SYN3: variants seen among roughly 807,000 people sequenced by gnomAD.
The protein encoded by SYN3 is synapsin III, also known as synapsin-3.
Under a neutral mutation model 65.8 loss-of-function variants are expected in SYN3, and 35 were observed. The observed-to-expected ratio is 0.53, with a 90% CI of 0.41 to 0.70. The LOEUF (loss-of-function observed/expected upper bound fraction) is 0.70, where lower values mean the gene tolerates loss of function less well. Among genes scored for constraint, SYN3 ranks in the 30% least tolerant of loss-of-function variants. The probability of loss-of-function intolerance (pLI) is 0.00; values close to 1 mark genes in which losing one functional copy is unlikely to be tolerated. For missense variants in SYN3, 680 were observed against 749.0 expected, an observed-to-expected ratio of 0.91 and a Z score of 1.08; for synonymous variants, 270 against 292.9, an observed-to-expected ratio of 0.92 and a Z score of 0.80.
chr22:32,614,822 C>T (rs563484870), intron 6 of SYN3, among the ~76,000 whole-genome samples: 1 of 152,268 alleles, frequency 6.6e-6, no homozygotes, highest in East Asian at 1.9e-4. Context: ...GAGCGGGGCC[C>T]CCTCCTCGGA....
At chr22:32,996,346 A>C (rs1288525997) in intron 2 of SYN3, among the ~76,000 whole-genome samples, 1 of 152,066 alleles carries the variant, frequency 6.6e-6, no homozygotes, top group Admixed American at 6.5e-5. Context: ...AAGCACCCAC[A>C]CTGAAAAACA....
chr22:33,037,878 A>C (rs1319040974), intron 1 of SYN3, among the ~76,000 whole-genome samples: 1 of 152,232 alleles, frequency 6.6e-6, no homozygotes, highest in Admixed American at 6.5e-5. Context: ...TTAACAAATA[A>C]GTAGATGAAA....
chr22:32,872,936 C>CTTT (rs35506480), intron 4 of SYN3, among the ~76,000 whole-genome samples: 17,961 of 114,838 alleles, frequency 0.16, 1,583 homozygotes, highest in Non-Finnish European at 0.21. Flanking sequence ...GCCCTAAGCA[C>CTTT]TTTTTTTTTT....
chr22:32,593,333 A>T (rs533450537), intron 7 of SYN3, among the ~76,000 whole-genome samples: 1 of 97,544 alleles, frequency 1.0e-5, no homozygotes, highest in East Asian at 2.3e-4. Flanking sequence ...TCATCTCTTT[A>T]TTTCCTTTTT....
chr22:32,783,603 C>A (rs1569221712), intron 6 of SYN3, among the ~76,000 whole-genome samples: 2 of 152,278 alleles, frequency 1.3e-5, no homozygotes, highest in Non-Finnish European at 2.9e-5. Context: ...CTTTACCATG[C>A]TGGAATCCCC....
intron 6 of SYN3, among the ~76,000 whole-genome samples, chr22:32,617,580 G>T (rs1370881962): frequency 6.6e-6 from 1 of 152,010 alleles, no homozygotes; most frequent in African/African-American, 2.4e-5. Flanking sequence ...GGGAAGCGGG[G>T]TGGGACCCAG....
chr22:33,014,705 G>T (rs896056823), intron 1 of SYN3, among the ~76,000 whole-genome samples: 2 of 152,150 alleles, frequency 1.3e-5, no homozygotes, highest in Admixed American at 6.5e-5. Flanking sequence ...GCTTGAACCC[G>T]GGAGGCGGGA....
chr22:32,672,999 T>C (rs988783966), intron 6 of SYN3, among the ~76,000 whole-genome samples: 104 of 152,304 alleles, frequency 6.8e-4, no homozygotes, highest in African/African-American at 2.4e-3. Context: ...CCAATCCCCT[T>C]TGGAGGGCCC....
Position 32,528,536 on chromosome 22 carries a change from C to T in SYN3, c.1230+338G>A, listed in dbSNP as rs146128464. On this transcript the variant is annotated intron_variant, in intron 11 of 13. Transcript: ENST00000358763. ...TTGTGTGTCCATATGCTCTCGCACA[C>T]GCACGCACACACATCCTGCTCAGGC... Among the ~76,000 whole-genome samples the T allele has an allele frequency of 2.8e-4, 43 of 152,294 alleles. No homozygotes were observed. The East Asian group carries it at 7.7e-3, about 27-fold the overall frequency.
intron 1 of SYN3, among the ~76,000 whole-genome samples, chr22:33,041,207 G>T (rs1050880389): frequency 1.8e-4 from 27 of 151,104 alleles, no homozygotes; most frequent in African/African-American, 6.6e-4. Context: ...GTGAGTCACT[G>T]GGCCCAGCCT....
At chr22:32,930,775 T>C (rs1348743037) in intron 4 of SYN3, among the ~76,000 whole-genome samples, 1 of 152,238 alleles carries the variant, frequency 6.6e-6, no homozygotes, top group East Asian at 1.9e-4. Flanking sequence ...TTCATACATG[T>C]GTTTATCTCG....
chr22:32,689,123 G>T (rs1303180998), intron 6 of SYN3, among the ~76,000 whole-genome samples: 1 of 152,182 alleles, frequency 6.6e-6, no homozygotes, highest in Non-Finnish European at 1.5e-5. Context: ...GGGGGTAGCA[G>T]GTACATTGAA....
intron 1 of SYN3, among the ~76,000 whole-genome samples, chr22:33,013,085 T>C (rs1388787475): frequency 1.3e-5 from 2 of 152,222 alleles, no homozygotes; most frequent in Non-Finnish European, 2.9e-5. Context: ...ATGTTAGGGT[T>C]GAAGGGATCT....
At chr22:32,745,237 T>C (rs2044893696) in intron 6 of SYN3, among the ~76,000 whole-genome samples, 1 of 152,172 alleles carries the variant, frequency 6.6e-6, no homozygotes, top group Admixed American at 6.5e-5. Context: ...CCTGGACTTT[T>C]GCTTTCACTG....
Position 33,003,803 on chromosome 22 carries a change from G to A in SYN3, c.311+2549C>T, listed in dbSNP as rs549456797. On this transcript the variant is annotated intron_variant, in intron 2 of 13. Coordinates refer to ENST00000358763, the MANE Select transcript of SYN3 (RefSeq NM_003490.4). ...AAGACAATGGGGAAAATGTCTCTAG[G>A]GCATGTCAGAGACCTTGGGGGCAGC... is the stretch of plus-strand genomic sequence containing the variant. Among the ~76,000 whole-genome samples, 9 of 152,356 alleles carry A rather than the reference G, an allele frequency of 5.9e-5. No individual in the cohort carries two copies. The South Asian group carries it at 1.5e-3, about 25-fold the overall frequency.
chr22:32,961,808 G>C (rs940615718), intron 3 of SYN3, among the ~76,000 whole-genome samples: 1 of 152,228 alleles, frequency 6.6e-6, no homozygotes, highest in Non-Finnish European at 1.5e-5. Flanking sequence ...TACATCCAAA[G>C]TTCCCTTAGT....
At chr22:32,768,793 T>A (rs945442667) in intron 6 of SYN3, among the ~76,000 whole-genome samples, 3 of 152,210 alleles carry the variant, frequency 2.0e-5, no homozygotes, top group Admixed American at 2.0e-4. Context: ...TTGCTTCCTT[T>A]CATCTCACAC....
chr22:32,969,977 CA>C, intron 3 of SYN3, among the ~76,000 whole-genome samples: 1 of 152,318 alleles, frequency 6.6e-6, no homozygotes, highest in South Asian at 2.1e-4. Flanking sequence ...TTTTATCCCA[CA>C]AACTGCACTG....
intron 1 of SYN3, among the ~76,000 whole-genome samples, chr22:33,049,920 G>A (rs770008410): frequency 6.7e-6 from 1 of 149,146 alleles, no homozygotes; most frequent in East Asian, 2.2e-4. Flanking sequence ...GCCAAGCAGA[G>A]GAGGTTTTCC....
Sources: gnomAD v4.1 joint callset for allele counts (sites outside exome capture counted in the v4.1 genomes callset) on GRCh38, gnomAD v4.1.1 for gene constraint, MANE v1.5 for transcripts, NCBI Gene and HGNC (gene_info 2026-07-23, HGNC 2026-07-21) for gene names.